The following MTR variants were observed in gnomAD, a reference collection of about 807,000 sequenced individuals.
The protein encoded by MTR is methionine synthase.
In MTR, 84 loss-of-function variants were observed where a neutral mutation model predicts 154.8. The observed-to-expected ratio is 0.54, with a 90% CI of 0.45 to 0.65. The LOEUF is 0.65. MTR is among the 30% of genes least tolerant of loss of function. MTR has a pLI of 0.00. For missense variants in MTR, 1,275 were observed against 1,570.2 expected, an observed-to-expected ratio of 0.81 and a Z score of 3.18; for synonymous variants, 554 against 553.9, an observed-to-expected ratio of 1.00 and a Z score of 0.00.
Position 236,894,449 on chromosome 1 carries a change from G to C in MTR, c.3297G>C (p.Leu1099=). Residue 1099 remains leucine (L), a synonymous_variant, in exon 30 of 33, where the codon CTG becomes CTC. Coordinates refer to ENST00000366577, the MANE Select transcript of MTR (RefSeq NM_000254.3). ...CTGGCATCCGTGACTACCTGGGCCT[G>C]TTTGCCGTTGCCTGCTTTGGGGTAG... The part of the protein sequence containing the change: ...LHSGIRDYLG[L]FAVACFGVEE... 6.2e-7 allele frequency: 1 copy of C among 1,614,224 alleles called. No individual in the cohort carries two copies. Among genetic ancestry groups the C allele is most frequent in the Non-Finnish European group, 8.5e-7 (1 of 1,180,044 alleles).
chr1:236,887,216 G>A (rs1391550564), intron 27 of MTR, among the ~76,000 whole-genome samples: 1 of 152,144 alleles, frequency 6.6e-6, no homozygotes, highest in Non-Finnish European at 1.5e-5. Flanking sequence ...AGAGTTGAGC[G>A]GATTAAATTG....
intron 22 of MTR, among the ~76,000 whole-genome samples, chr1:236,864,102 A>C (rs1296923361): frequency 2.6e-5 from 4 of 152,220 alleles, no homozygotes; most frequent in African/African-American, 9.6e-5. Flanking sequence ...ATAATTAATA[A>C]ATATTCATAA....
At chr1:236,872,201 T>C (rs1293319925) in intron 22 of MTR, among the ~76,000 whole-genome samples, 2 of 152,226 alleles carry the variant, frequency 1.3e-5, no homozygotes, top group Non-Finnish European at 2.9e-5. Flanking sequence ...TCCTGTTTCC[T>C]CTGAGTTCCA....
intron 15 of MTR, among the ~76,000 whole-genome samples, chr1:236,842,575 T>C (rs549130049): frequency 1.6e-4 from 24 of 152,206 alleles, no homozygotes; most frequent in South Asian, 2.1e-4. Flanking sequence ...TTTTTTGTTA[T>C]CTGAATGCTC....
intron 1 of MTR, 44 bp from the exon 2 acceptor site, chr1:236,803,384 T>C (rs778408378): frequency 1.3e-6 from 2 of 1,582,126 alleles, no homozygotes; most frequent in African/African-American, 2.7e-5. Context: ...ACACATCTTT[T>C]TCACCTTTCA....
intron 18 of MTR, 127 bp downstream of exon 18, chr1:236,853,215 T>C: frequency 3.4e-6 from 4 of 1,188,792 alleles, no homozygotes; most frequent in Non-Finnish European, 4.9e-6. Flanking sequence ...TCACTGAAGA[T>C]TTCTACAGAG....
chr1:236,861,341 G>T (rs376473452), intron 20 of MTR, 64 bp downstream of exon 20: 6 of 1,604,356 alleles, frequency 3.7e-6, no homozygotes, highest in Non-Finnish European at 5.1e-6. Flanking sequence ...AATAAATGGC[G>T]ATTTGGGATA....
chr1:236,838,354 G>A (rs1663027254), intron 14 of MTR, 60 bp from the exon 15 acceptor site: 2 of 1,561,046 alleles, frequency 1.3e-6, no homozygotes, highest in Admixed American at 1.7e-5. Context: ...TGGAGCCTTT[G>A]AAAAGTAATT....
intron 15 of MTR, among the ~76,000 whole-genome samples, chr1:236,846,319 C>T (rs1322891362): frequency 1.3e-5 from 2 of 152,070 alleles, no homozygotes; most frequent in African/African-American, 4.8e-5. Context: ...CTTAGGTTCA[C>T]AAAAATGACT....
rs1009569916 is a variant in MTR at position 236,886,509 on chromosome 1, A to G, written c.2851+142A>G. 6 of 771,824 alleles carry G rather than the reference A, an allele frequency of 7.8e-6. No homozygotes were observed. In the African/African-American group the frequency reaches 1.0e-4, roughly 13 times the overall value. The allele number at this position is 771,824 out of a possible 1,614,324, so 47.8% of individuals were successfully genotyped here. The stretch of plus-strand genomic sequence containing the variant: ...GTCTAATGCTGATGAGTGACTGATG[A>G]CTGGAAAGAAAGGGAATAGGTACCA... On this transcript the variant is annotated intron_variant, in intron 27 of 32. Coordinates refer to ENST00000366577, the MANE Select transcript of MTR (RefSeq NM_000254.3).
chr1:236,835,072 T>C (rs986932515), intron 13 of MTR, among the ~76,000 whole-genome samples: 1 of 152,130 alleles, frequency 6.6e-6, no homozygotes, highest in African/African-American at 2.4e-5. Flanking sequence ...TCATTTTGGA[T>C]GGTTTCTCTA....
intron 14 of MTR, among the ~76,000 whole-genome samples, chr1:236,838,055 C>T (rs1292514034): frequency 6.6e-6 from 1 of 152,110 alleles, no homozygotes; most frequent in East Asian, 1.9e-4. Context: ...AAACCTTAAT[C>T]CCTGAGTCAG....
intron 10 of MTR, among the ~76,000 whole-genome samples, chr1:236,825,656 C>T (rs1662247722): frequency 6.6e-6 from 1 of 152,148 alleles, no homozygotes; most frequent in Non-Finnish European, 1.5e-5. Context: ...CTTGGCTCTC[C>T]TCTGAGATGT....
Position 236,859,852 on chromosome 1 carries a change from A to G in MTR, c.1973A>G (p.Lys658Arg), listed in dbSNP as rs1303828721. 6.2e-7 allele frequency: 1 copy of G among 1,613,994 alleles called. No homozygotes were observed. Among genetic ancestry groups the G allele is most frequent in the South Asian group, 1.1e-5 (1 of 91,088 alleles). ...RYAQTQGTGG[K>R]KVIQTDEWRN... Reference sequence around the variant, plus strand: ...ATTCAGACTCAAGGCACAGGAGGGAAGAAAGTCATTCAGACTGATGAGTGG... The same window carrying G: ...ATTCAGACTCAAGGCACAGGAGGGAGGAAAGTCATTCAGACTGATGAGTGG... Residue 658 changes from lysine (K) to arginine (R), a missense_variant, in exon 19 of 33, where the codon AAG becomes AGG. By Grantham distance (26) the Lys-to-Arg change is conservative (BLOSUM62 2). Transcript: ENST00000366577.
At chr1:236,875,630 G>T (rs1310485078) in intron 24 of MTR, among the ~76,000 whole-genome samples, 1 of 152,088 alleles carries the variant, frequency 6.6e-6, no homozygotes, top group African/African-American at 2.4e-5. Flanking sequence ...TACAATAAAG[G>T]TCTGGTTATA....
At chr1:236,820,805 C>T (rs181947971) in intron 8 of MTR, among the ~76,000 whole-genome samples, 2 of 152,230 alleles carry the variant, frequency 1.3e-5, no homozygotes, top group Admixed American at 6.5e-5. Context: ...CGCATCCTTC[C>T]CAACATTTGT....
intron 22 of MTR, among the ~76,000 whole-genome samples, chr1:236,872,489 G>A (rs976955097): frequency 6.6e-6 from 1 of 152,116 alleles, no homozygotes; most frequent in Non-Finnish European, 1.5e-5. Flanking sequence ...AGTTCAACAG[G>A]TGTTTATTGA....
At chr1:236,865,659 T>C (rs1437840153) in intron 22 of MTR, among the ~76,000 whole-genome samples, 20 of 152,222 alleles carry the variant, frequency 1.3e-4, no homozygotes, top group Admixed American at 1.3e-4. Context: ...GGGGAAGATA[T>C]GATGCAATAG....
In MTR at chr1:236,891,154, A is replaced by G; in HGVS notation, c.3029A>G (p.Tyr1010Cys). ...ATAGGTGGAGAGGCCAGGAAGGTCT[A>G]CGATGATGCCCACAATATGCTGAAC... ...KTVGGEARKV[Y>C]DDAHNMLNTL... Residue 1010 changes from tyrosine (Y) to cysteine (C), a missense_variant, in exon 29 of 33, where the codon TAC becomes TGC. Coordinates refer to ENST00000366577, the MANE Select transcript of MTR (RefSeq NM_000254.3). The G allele has an allele frequency of 6.2e-7, 1 of 1,614,212 alleles. No homozygotes were observed. The highest frequency in any genetic ancestry group is 8.5e-7 in the Non-Finnish European group (1 of 1,180,030).
Sources: allele counts gnomAD v4.1 joint callset (sites outside exome capture counted in the v4.1 genomes callset), GRCh38; gene constraint gnomAD v4.1.1; transcripts MANE v1.5; gene names NCBI Gene and HGNC (gene_info 2026-07-23, HGNC 2026-07-21).